COL26A1: variants seen among roughly 807,000 people sequenced by gnomAD.
COL26A1 encodes the protein collagen type XXVI alpha 1 chain.
A neutral mutation model predicts 59.3 loss-of-function variants in COL26A1; 41 were observed. The ratio of observed to expected loss-of-function variants is 0.69; its 90% CI spans 0.54 to 0.90. COL26A1 has a LOEUF of 0.90. Among genes scored for constraint, COL26A1 ranks in the 40% least tolerant of loss-of-function variants. COL26A1 has a pLI of 0.00. For synonymous variants in COL26A1, 266 were observed against 256.0 expected, an observed-to-expected ratio of 1.04 and a Z score of -0.37; for missense variants, 612 against 602.3, an observed-to-expected ratio of 1.02 and a Z score of -0.17.
chr7:101,390,779 G>A (rs1468833859), intron 1 of COL26A1, among the ~76,000 whole-genome samples: 1 of 152,154 alleles, frequency 6.6e-6, no homozygotes, highest in African/African-American at 2.4e-5. Flanking sequence ...GGATGGAGAA[G>A]GGAGATATTT....
At chr7:101,462,830 C>A (rs1270127894) in intron 3 of COL26A1, among the ~76,000 whole-genome samples, 2 of 152,030 alleles carry the variant, frequency 1.3e-5, no homozygotes, top group Non-Finnish European at 2.9e-5. Flanking sequence ...AGACCAGGAG[C>A]CCCATGCCTG....
chr7:101,510,503 C>G (rs190436916), intron 3 of COL26A1, among the ~76,000 whole-genome samples: 38 of 152,314 alleles, frequency 2.5e-4, no homozygotes, highest in African/African-American at 8.7e-4. Context: ...TGCCTCAGGG[C>G]CTTTGCACCT....
At chr7:101,545,850 C>A (rs1408067137) in intron 7 of COL26A1, among the ~76,000 whole-genome samples, 2 of 152,242 alleles carry the variant, frequency 1.3e-5, no homozygotes, top group Admixed American at 1.3e-4. Context: ...TGCTGGCTGA[C>A]TTGGCCCAGA....
intron 3 of COL26A1, among the ~76,000 whole-genome samples, chr7:101,473,622 A>G (rs1472014685): frequency 1.6e-5 from 1 of 61,118 alleles, no homozygotes; most frequent in Non-Finnish European, 4.2e-5. Flanking sequence ...ACACACACAC[A>G]CACACACACA....
chr7:101,437,694 C>A (rs1792949253), intron 2 of COL26A1, among the ~76,000 whole-genome samples: 1 of 151,832 alleles, frequency 6.6e-6, no homozygotes, highest in African/African-American at 2.4e-5. Context: ...CCTGCCTTAG[C>A]CTCCCAAATA....
intron 3 of COL26A1, among the ~76,000 whole-genome samples, chr7:101,485,868 G>T (rs1373954268): frequency 6.6e-6 from 1 of 152,090 alleles, no homozygotes; most frequent in East Asian, 1.9e-4. Flanking sequence ...TAGTGGTGTG[G>T]GGTGTAAAGT....
chr7:101,521,385 T>C (rs1264169351), intron 3 of COL26A1, among the ~76,000 whole-genome samples: 1 of 152,132 alleles, frequency 6.6e-6, no homozygotes, highest in African/African-American at 2.4e-5. Context: ...CAAAAAGTGA[T>C]CCCATCCAGG....
chr7:101,549,912 C>T lies in COL26A1; in HGVS notation c.993+689C>T, dbSNP rs550177280. ...GAGAATTGCCCATGGGGAGGCGGCA[C>T]CCCAAGCCTGACTCAGCCCCTAACC... On this transcript the variant is annotated intron_variant, in intron 9 of 12. Transcript: ENST00000313669. Among the ~76,000 whole-genome samples, 39 of 152,260 alleles carry T rather than the reference C, an allele frequency of 2.6e-4. No homozygotes were observed. The South Asian group carries it at 4.6e-3, about 18-fold the overall frequency.
chr7:101,513,579 A>G (rs1318349050), intron 3 of COL26A1, among the ~76,000 whole-genome samples: 1 of 152,120 alleles, frequency 6.6e-6, no homozygotes. Flanking sequence ...TCTTGGCCTC[A>G]AGTGATCCAC....
intron 3 of COL26A1, among the ~76,000 whole-genome samples, chr7:101,474,270 C>G (rs1793982260): frequency 6.6e-6 from 1 of 152,138 alleles, no homozygotes; most frequent in African/African-American, 2.4e-5. Context: ...GCACCATCCT[C>G]TCTGAGGAGG....
At chr7:101,437,136 G>A (rs1792935734) in intron 2 of COL26A1, among the ~76,000 whole-genome samples, 1 of 152,218 alleles carries the variant, frequency 6.6e-6, no homozygotes, top group African/African-American at 2.4e-5. Context: ...CGTGGAGAAG[G>A]ATGTCAGACA....
chr7:101,461,745 G>T (rs918686177), intron 3 of COL26A1, among the ~76,000 whole-genome samples: 2 of 152,160 alleles, frequency 1.3e-5, no homozygotes, highest in East Asian at 1.9e-4. Flanking sequence ...CCACACTGTG[G>T]CTGGGAGAAG....
At chr7:101,404,448 G>A (rs565463950) in intron 1 of COL26A1, among the ~76,000 whole-genome samples, 3 of 152,266 alleles carry the variant, frequency 2.0e-5, no homozygotes, top group South Asian at 4.1e-4. Context: ...CCCCCAAATG[G>A]CTTTGGGCAA....
At chr7:101,366,473 G>T (rs1182312088) in intron 1 of COL26A1, among the ~76,000 whole-genome samples, 1 of 101,782 alleles carries the variant, frequency 9.8e-6, no homozygotes. Flanking sequence ...GTTAACGTCT[G>T]ATTTTTTTTT....
chr7:101,488,377 T>TAC (rs1329856993), intron 3 of COL26A1, among the ~76,000 whole-genome samples: 14 of 45,900 alleles, frequency 3.1e-4, no homozygotes, highest in Non-Finnish European at 4.4e-4. Context: ...TATATATATA[T>TAC]ACACACACAT....
chr7:101,371,827 C>G (rs1791202122), intron 1 of COL26A1, among the ~76,000 whole-genome samples: 2 of 152,032 alleles, frequency 1.3e-5, no homozygotes, highest in African/African-American at 4.8e-5. Context: ...AGCCTCCGTC[C>G]TTGATGAGCT....
At chr7:101,506,098 C>T (rs774325439) in intron 3 of COL26A1, among the ~76,000 whole-genome samples, 2 of 152,196 alleles carry the variant, frequency 1.3e-5, no homozygotes, top group Non-Finnish European at 2.9e-5. Context: ...CGAATGGGGT[C>T]AGTGGAGGGA....
At chr7:101,452,272 T>C (rs1753142484) in intron 3 of COL26A1, among the ~76,000 whole-genome samples, 1 of 152,124 alleles carries the variant, frequency 6.6e-6, no homozygotes, top group Admixed American at 6.6e-5. Flanking sequence ...GGCAGGACCG[T>C]GGGAGGACAG....
At chr7:101,397,385 TTTC>T (rs1158506324) in intron 1 of COL26A1, among the ~76,000 whole-genome samples, 7 of 151,428 alleles carry the variant, frequency 4.6e-5, no homozygotes, top group African/African-American at 1.2e-4. Flanking sequence ...CTTCATCTTC[TTTC>T]TTTTTTTTTA....
Sources: allele counts gnomAD v4.1 joint callset (sites outside exome capture counted in the v4.1 genomes callset), GRCh38; gene constraint gnomAD v4.1.1; transcripts MANE v1.5; gene names NCBI Gene and HGNC (gene_info 2026-07-23, HGNC 2026-07-21).